The following RP1 variants were observed in gnomAD, a reference collection of about 807,000 sequenced individuals.
RP1 encodes oxygen-regulated protein 1.
A neutral mutation model predicts 14.8 loss-of-function variants in RP1; 16 were observed. That is an observed-to-expected ratio of 1.08 (90% CI 0.73 to 1.65). The LOEUF is 1.65. Among genes scored for constraint, RP1 ranks in the 40% most tolerant of loss-of-function variants. The pLI is 0.00. For missense variants in RP1, 2,631 were observed against 2,535.0 expected, an observed-to-expected ratio of 1.04 and a Z score of -0.81; for synonymous variants, 876 against 883.6, an observed-to-expected ratio of 0.99 and a Z score of 0.15.
At chr8:54,584,061 C>G (rs1804859168) in intron 1 of RP1, among the ~76,000 whole-genome samples, 1 of 151,998 alleles carries the variant, frequency 6.6e-6, no homozygotes, top group Non-Finnish European at 1.5e-5. Flanking sequence ...TGTGTTTGCT[C>G]TTGCTTCTCT....
intron 27 of RP1, among the ~76,000 whole-genome samples, chr8:54,862,316 A>T (rs1365829562): frequency 6.6e-6 from 1 of 152,192 alleles, no homozygotes; most frequent in Non-Finnish European, 1.5e-5. Context: ...TATGCTCGCC[A>T]ACACCTGGTA....
At chr8:54,833,688 A>T (rs1424937106) in intron 24 of RP1, among the ~76,000 whole-genome samples, 1 of 152,082 alleles carries the variant, frequency 6.6e-6, no homozygotes, top group African/African-American at 2.4e-5. Flanking sequence ...GAAAATATAG[A>T]CTTCGTAATG....
intron 1 of RP1, among the ~76,000 whole-genome samples, chr8:54,616,951 A>G (rs921729941): frequency 2.6e-5 from 4 of 152,196 alleles, no homozygotes; most frequent in African/African-American, 9.7e-5. Flanking sequence ...TGCCACAGAT[A>G]AGCCTAGCCA....
In RP1 at chr8:54,656,104, TC is replaced by T; in HGVS notation, c.1061del (p.Ser354LeufsTer29). 2 of 1,532,416 alleles carry T rather than the reference TC, an allele frequency of 1.3e-6. No individual in the cohort carries two copies. The highest frequency in any genetic ancestry group is 1.7e-6 in the Non-Finnish European group (2 of 1,144,476). 94.9% of individuals were successfully genotyped at this position (1,532,416 alleles called of 1,614,324 possible). A position where few individuals can be genotyped will look rare whatever the true frequency, so the allele number is the denominator to read the frequency against. Reference sequence around the variant, plus strand: ...ATAGATACAGCTGCATAATATGAATTCTGGAAAACAGTTTTATGTACCTGTT... The same window carrying T: ...ATAGATACAGCTGCATAATATGAATTTGGAAAACAGTTTTATGTACCTGTT... On this transcript the variant is annotated frameshift_variant, in exon 6 of 23. Transcript: ENST00000636932. LOFTEE classifies it high-confidence loss of function.
At chr8:54,815,954 T>C (rs1490882351) in intron 24 of RP1, among the ~76,000 whole-genome samples, 1 of 152,206 alleles carries the variant, frequency 6.6e-6, no homozygotes, top group Non-Finnish European at 1.5e-5. Flanking sequence ...TATGAACCTG[T>C]AGCACACTGA....
chr8:54,740,450 G>A (rs568416055), intron 19 of RP1, among the ~76,000 whole-genome samples: 1 of 147,164 alleles, frequency 6.8e-6, no homozygotes, highest in Admixed American at 6.8e-5. Flanking sequence ...AGAGCCAGGC[G>A]CAGTGGCTCA....
intron 24 of RP1, among the ~76,000 whole-genome samples, chr8:54,793,522 T>G (rs923424310): frequency 1.3e-5 from 2 of 151,918 alleles, no homozygotes; most frequent in Non-Finnish European, 2.9e-5. Context: ...GATGGTTCAA[T>G]ATGTACAAAT....
At chr8:54,710,934 G>A (rs903073617) in intron 15 of RP1, among the ~76,000 whole-genome samples, 20 of 152,178 alleles carry the variant, frequency 1.3e-4, no homozygotes, top group African/African-American at 4.6e-4. Context: ...CACAAGGATG[G>A]AAGTTTTCAC....
At chr8:54,764,529 A>C (rs561571603) in intron 22 of RP1, among the ~76,000 whole-genome samples, 1 of 152,230 alleles carries the variant, frequency 6.6e-6, no homozygotes, top group Non-Finnish European at 1.5e-5. Context: ...ACATTAACTC[A>C]GCACTTACTA....
chr8:54,583,994 A>G (rs1395252464), intron 1 of RP1, among the ~76,000 whole-genome samples: 1 of 150,836 alleles, frequency 6.6e-6, no homozygotes, highest in Non-Finnish European at 1.5e-5. Flanking sequence ...TTGTGTCTCT[A>G]TTTCCTTCAG....
intron 12 of RP1, among the ~76,000 whole-genome samples, chr8:54,685,874 G>A (rs923977629): frequency 6.6e-6 from 1 of 152,048 alleles, no homozygotes; most frequent in Non-Finnish European, 1.5e-5. Flanking sequence ...ATCCTTCTTG[G>A]AACCCAGCCC....
intron 24 of RP1, among the ~76,000 whole-genome samples, chr8:54,820,666 G>A (rs1811233647): frequency 6.6e-6 from 1 of 152,118 alleles, no homozygotes; most frequent in Non-Finnish European, 1.5e-5. Context: ...GCTGGTGTGG[G>A]CAGTGCAAGA....
intron 12 of RP1, among the ~76,000 whole-genome samples, chr8:54,691,405 G>T (rs1250964204): frequency 6.6e-6 from 1 of 151,988 alleles, no homozygotes; most frequent in Non-Finnish European, 1.5e-5. Flanking sequence ...AATCTAGAAG[G>T]ATTTAGAAGG....
At position 54,629,471 on chromosome 8, in the gene RP1, A is replaced by G. The variant is rs2129318277; in HGVS notation, c.5589A>G (p.Val1863=). ...EEKGSHQSER[V]CTSVTHSFIS... ...AGGGTAGTCATCAGTCAGAAAGAGT[A>G]TGCACATCTGTCACTCATTCCTTTA... The change falls in exon 4 of 4, where the codon GTA becomes GTG. Residue 1863 remains valine (V), a synonymous_variant. Transcript: ENST00000220676. 6.2e-7 allele frequency: 1 copy of G among 1,614,194 alleles called. No homozygotes were observed. The highest frequency in any genetic ancestry group is 8.5e-7 in the Non-Finnish European group (1 of 1,180,016).
At chr8:54,651,661 G>A (rs1211922785) in intron 4 of RP1, among the ~76,000 whole-genome samples, 1 of 151,958 alleles carries the variant, frequency 6.6e-6, no homozygotes, top group African/African-American at 2.4e-5. Context: ...CATCTAGATA[G>A]GCTAAAGTCT....
chr8:54,828,850 CTTCTTCTTCT>C (rs999351981), intron 24 of RP1, among the ~76,000 whole-genome samples: 8 of 141,968 alleles, frequency 5.6e-5, no homozygotes, highest in African/African-American at 7.8e-5. Context: ...TAATCTTCTT[CTTCTTCTTCT>C]TTCTTCTTTC....
At chr8:54,691,297 G>A (rs960990549) in intron 12 of RP1, among the ~76,000 whole-genome samples, 2 of 152,052 alleles carry the variant, frequency 1.3e-5, no homozygotes, top group Non-Finnish European at 2.9e-5. Flanking sequence ...GCAGGGCTTG[G>A]TGATATATTG....
chr8:54,733,675 C>CT (rs1290959489), intron 17 of RP1, among the ~76,000 whole-genome samples: 2 of 152,114 alleles, frequency 1.3e-5, no homozygotes, highest in Non-Finnish European at 2.9e-5. Flanking sequence ...ACATGAAGAA[C>CT]TTTTGCCTCA....
At chr8:54,818,599 C>A (rs1811187333) in intron 24 of RP1, among the ~76,000 whole-genome samples, 1 of 152,204 alleles carries the variant, frequency 6.6e-6, no homozygotes, top group South Asian at 2.1e-4. Context: ...CTCAGCTTTA[C>A]TTAATGAGGC....
Sources: allele counts gnomAD v4.1 joint callset (sites outside exome capture counted in the v4.1 genomes callset), GRCh38; gene constraint gnomAD v4.1.1; transcripts MANE v1.5; gene names NCBI Gene and HGNC (gene_info 2026-07-23, HGNC 2026-07-21).